COL6A3: variants seen among roughly 807,000 people sequenced by gnomAD.
COL6A3 encodes the protein collagen type VI alpha 3 chain, also known as collagen alpha-3(VI) chain.
COL6A3 carries 137 observed loss-of-function variants against 274.1 expected under a neutral mutation model. The ratio of observed to expected loss-of-function variants is 0.50; its 90% confidence interval spans 0.44 to 0.58. The LOEUF (loss-of-function observed/expected upper bound fraction) is 0.58. Ranked by LOEUF, COL6A3 falls within the 20% of genes least tolerant of loss-of-function variation. The pLI is 0.00. For synonymous variants in COL6A3, 1,650 were observed against 1,650.6 expected, an observed-to-expected ratio of 1.00 and a Z score of 0.01; for missense variants, 3,950 against 4,124.9, an observed-to-expected ratio of 0.96 and a Z score of 1.16.
At chr2:237,386,318 C>T (rs1394614309) in intron 4 of COL6A3, 3 of 152,206 alleles carry the variant, frequency 2.0e-5, no homozygotes, top group African/African-American at 7.2e-5. Flanking sequence ...AAATCTTCTA[C>T]TCTTAATTTC....
Position 237,334,787 on chromosome 2 carries a change from G to T in COL6A3, c.9068C>A (p.Thr3023Asn). Residue 3023 changes from threonine to asparagine, a missense_variant, in exon 41 of 44, where the codon ACC (threonine) becomes AAC (asparagine). This residue lies in a region of COL6A3 where 1,284 missense variants were observed against 1,349.7 expected (regional missense o/e 0.95). Transcript: ENST00000295550. ...EPPGPYFYDL[T>N]VTSAHDQSLV... ...GGACTGATCATGGGCTGAGGTGACGGTGAGGTCATAAAAATAAGGACCGGG... is the reference window on the plus strand; with the variant it reads ...GGACTGATCATGGGCTGAGGTGACGTTGAGGTCATAAAAATAAGGACCGGG... 6.2e-7 allele frequency: 1 copy of T among 1,614,198 alleles called. No individual in the cohort carries two copies. The highest frequency in any genetic ancestry group is 1.1e-5 in the South Asian group (1 of 91,082).
rs73998893 is a variant in COL6A3, at chr2:237,368,022, C to T, written c.4900+541G>A. On this transcript the variant is annotated intron_variant, in intron 10 of 43. Transcript: ENST00000295550. This position sits in a 1 kb window ranked among gnomAD's most constrained non-coding sequence, Gnocchi z 4.4. ...TGGTTTGCTTCAGATGTCTACATGG[C>T]GATTACTTGGAGGAGGGACAAAGAA... Among the ~76,000 whole-genome samples the T allele has an allele frequency of 0.041, 6,173 of 152,180 alleles. 382 individuals carry two copies. The highest frequency in any genetic ancestry group is 0.13 in the African/African-American group (5,436 of 41,488).
chr2:237,381,264 C>T lies in COL6A3; in HGVS notation c.1548G>A (p.Lys516=), dbSNP rs375813490. 7 of 1,614,140 alleles carry T rather than the reference C, an allele frequency of 4.3e-6. No individual in the cohort carries two copies. The African/African-American group carries it at 8.0e-5, about 18-fold the overall frequency. ...REVITAVRKM[K]PLDGSALYTG... ...TGTACAGGGCCGAGCCGTCCAGGGG[C>T]TTCATTTTCCGCACAGCGGTTATGA... The change falls in exon 5 of 44, where the codon AAG becomes AAA. Residue 516 remains lysine, a synonymous_variant. Transcript: ENST00000295550.
rs760059705 is a variant in COL6A3, at chr2:237,372,010, A to G, written c.4007T>C (p.Val1336Ala). ...RPLGSRIEEG[V>A]PQFLVLISSG... Reference sequence around the variant, plus strand: ...CGAGATGAGGACCAGGAACTGCGGGACGCCCTCTTCAATGCGGCTCCCCAG... The same window carrying G: ...CGAGATGAGGACCAGGAACTGCGGGGCGCCCTCTTCAATGCGGCTCCCCAG... The change falls in exon 9 of 44, where the codon GTC becomes GCC. Residue 1336 changes from valine to alanine, a missense_variant. Around this residue, in one of 5 missense-constraint regions of COL6A3, gnomAD observed 1,934 missense variants for 1,984.3 expected, o/e 0.97. Coordinates refer to ENST00000295550, the MANE Select transcript of COL6A3 (RefSeq NM_004369.4). 1 of 1,614,116 alleles carries G rather than the reference A, an allele frequency of 6.2e-7. No homozygotes were observed. Among genetic ancestry groups the G allele is most frequent in the East Asian group, 2.2e-5 (1 of 44,876 alleles).
intron 23 of COL6A3, 128 bp downstream of exon 23, chr2:237,357,210 C>T: frequency 4.8e-6 from 4 of 838,342 alleles, no homozygotes; most frequent in East Asian, 2.4e-5. Context: ...GAGTAACAAC[C>T]GTTTCAGAAA....
At position 237,365,576 on chromosome 2, in the gene COL6A3, A is replaced by G. The variant is rs966601175; in HGVS notation, c.5838+122T>C. On this transcript the variant is annotated intron_variant, in intron 12 of 43. Transcript: ENST00000295550. ...TCAGTTAATAACTAAGGGATTTTCC[A>G]TATAGACACTAACAATCCAGTGAAA... 64 of 884,140 alleles carry G rather than the reference A, an allele frequency of 7.2e-5. No homozygotes were observed. The South Asian group carries it at 8.5e-4, about 12-fold the overall frequency. 54.8% of individuals were successfully genotyped at this position (884,140 alleles called of 1,614,324 possible).
chr2:237,359,738 C>T (rs1574975846), intron 17 of COL6A3, among the ~76,000 whole-genome samples: 1 of 152,214 alleles, frequency 6.6e-6, no homozygotes. Context: ...TTCAACCCAC[C>T]TGCTGTCCTC....
rs770066515 is a variant in COL6A3, at chr2:237,368,023, G to A, written c.4900+540C>T. Among the ~76,000 whole-genome samples, 4 of 152,198 alleles carry A rather than the reference G, an allele frequency of 2.6e-5. No homozygotes were observed. The highest frequency in any genetic ancestry group is 2.1e-4 in the South Asian group (1 of 4,830). On this transcript the variant is annotated intron_variant, in intron 10 of 43. Coordinates refer to ENST00000295550, the MANE Select transcript of COL6A3 (RefSeq NM_004369.4). This position sits in a 1 kb window ranked among gnomAD's most constrained non-coding sequence, Gnocchi z 4.4. Reference sequence around the variant, plus strand: ...GGTTTGCTTCAGATGTCTACATGGCGATTACTTGGAGGAGGGACAAAGAAA... The same window carrying A: ...GGTTTGCTTCAGATGTCTACATGGCAATTACTTGGAGGAGGGACAAAGAAA...
At chr2:237,334,550 G>GT (rs1700431051) in intron 41 of COL6A3, 76 bp downstream of exon 41, 1 of 1,467,410 alleles carries the variant, frequency 6.8e-7, no homozygotes, top group Non-Finnish European at 9.5e-7. Context: ...GATTCAATAA[G>GT]TAAGTGTCTC....
chr2:237,358,660 A>C, intron 20 of COL6A3, 77 bp from the exon 21 acceptor site: 2 of 1,263,928 alleles, frequency 1.6e-6, no homozygotes, highest in South Asian at 1.2e-5. Flanking sequence ...ACATTCTTCA[A>C]CTCATAAATC....
At chr2:237,392,290 T>C (rs1258055431) in intron 3 of COL6A3, among the ~76,000 whole-genome samples, 1 of 152,244 alleles carries the variant, frequency 6.6e-6, no homozygotes, top group East Asian at 1.9e-4. Flanking sequence ...TCTGCTGATG[T>C]TGGGTCATCT....
intron 42 of COL6A3, chr2:237,328,611 A>G (rs1331428121): frequency 6.6e-6 from 1 of 152,252 alleles, no homozygotes; most frequent in Admixed American, 6.5e-5. Flanking sequence ...ATGCTTGACA[A>G]TGCATATCTG....
chr2:237,382,388 A>G (rs1163806690), intron 4 of COL6A3, among the ~76,000 whole-genome samples: 5 of 152,192 alleles, frequency 3.3e-5, no homozygotes, highest in African/African-American at 1.2e-4. Flanking sequence ...ATCTCCAAAA[A>G]AAAAACAAAA....
Position 237,333,481 on chromosome 2 carries a change from C to G in COL6A3, c.9297G>C (p.Val3099=). 1 of 1,614,170 alleles carries G rather than the reference C, an allele frequency of 6.2e-7. No individual in the cohort carries two copies. The highest frequency in any genetic ancestry group is 8.5e-7 in the Non-Finnish European group (1 of 1,180,010). ...CAGTGAGAGCCAATGGTTCTGTGCT[C>G]ACCATTAGATTGATGGTTGAACTAG... The part of the protein sequence containing the change: ...SASSSTINLM[V]STEPLALTET... The change falls in exon 42 of 44, where the codon GTG becomes GTC. Residue 3099 remains valine, a synonymous_variant. Coordinates refer to ENST00000295550, the MANE Select transcript of COL6A3 (RefSeq NM_004369.4).
rs1247992131 is a variant in COL6A3, at chr2:237,332,111, A to ATG, written c.9328+1338_9328+1339insCA. On this transcript the variant is annotated intron_variant, in intron 42 of 43. Coordinates refer to ENST00000295550, the MANE Select transcript of COL6A3 (RefSeq NM_004369.4). ...TATATATATATATATATATATATATATATATATGAAAAGAAAAACAAAACA... is the reference window on the plus strand; with the variant it reads ...TATATATATATATATATATATATATATGTATATATGAAAAGAAAAACAAAACA... 4.5e-3 allele frequency among the ~76,000 whole-genome samples: 448 copies of ATG among 100,640 alleles called. 30 individuals are homozygous for ATG. Among genetic ancestry groups the ATG allele is most frequent in the African/African-American group, 0.015 (432 of 28,360 alleles). 66.0% of individuals were successfully genotyped at this position (100,640 alleles called of 152,430 possible).
intron 1 of COL6A3, among the ~76,000 whole-genome samples, chr2:237,399,932 G>A (rs2078547400): frequency 6.6e-6 from 1 of 152,178 alleles, no homozygotes; most frequent in African/African-American, 2.4e-5. Flanking sequence ...ACATTTCCCC[G>A]GAGAAGCCCA....
chr2:237,338,696 A>T (rs1209822454), intron 39 of COL6A3, among the ~76,000 whole-genome samples: 2 of 152,348 alleles, frequency 1.3e-5, no homozygotes, highest in East Asian at 3.9e-4. Context: ...TGAATCCAGG[A>T]GGCAGAGGTT....
chr2:237,363,322 T>G lies in COL6A3; in HGVS notation c.5994A>C (p.Arg1998=), dbSNP rs757662895. The G allele has an allele frequency of 3.0e-5, 48 of 1,613,886 alleles. No individual in the cohort carries two copies. Among genetic ancestry groups the G allele is most frequent in the South Asian group, 1.8e-4 (16 of 91,074 alleles). The change falls in exon 14 of 44, where the codon CGA becomes CGC. Residue 1998 remains arginine, a synonymous_variant. Transcript: ENST00000295550. Reference sequence around the variant, plus strand: ...TCAGGGGCCTGTCATACATAAACCCTCGCCCAAACTCCAGATGCATTAGCC... The same window carrying G: ...TCAGGGGCCTGTCATACATAAACCCGCGCCCAAACTCCAGATGCATTAGCC... The part of the protein sequence containing the change: ...LERLMHLEFG[R]GFMYDRPLRL...
In COL6A3 at chr2:237,381,206, G is replaced by C. The variant is rs1452865152; in HGVS notation, c.1606C>G (p.Leu536Val). 2 of 1,614,272 alleles carry C rather than the reference G, an allele frequency of 1.2e-6. No homozygotes were observed. Among genetic ancestry groups the C allele is most frequent in the South Asian group, 1.1e-5 (1 of 91,088 alleles). Residue 536 changes from leucine (L) to valine (V), a missense_variant, in exon 5 of 44, where the codon CTA (leucine) becomes GTA (valine). Physicochemically the swap from Leu to Val is conservative, Grantham distance 32 (BLOSUM62 1). This residue lies in a region of COL6A3 where 1,934 missense variants were observed against 1,984.3 expected (regional missense o/e 0.97). Transcript: ENST00000295550. ...GSALDFVRNN[L>V]FTSSAGYRAA... The stretch of plus-strand genomic sequence containing the variant: ...CGGTAGCCGGCTGAACTCGTGAATA[G>C]GTTGTTACGAACAAAGTCTAGAGCA...
Sources: gnomAD v4.1 joint callset for allele counts (sites outside exome capture counted in the v4.1 genomes callset) on GRCh38, gnomAD v4.1.1 for gene constraint, gnomAD v4.1.1 regional missense constraint, Gnocchi (gnomAD v3.1) non-coding constraint, MANE v1.5 for transcripts, NCBI Gene and HGNC (gene_info 2026-07-23, HGNC 2026-07-21) for gene names.